MOB3A: variants seen among roughly 807,000 people sequenced by gnomAD.
The protein encoded by MOB3A is MOB LAK.
MOB3A carries 17 observed loss-of-function variants against 17.8 expected under a neutral mutation model. The ratio of observed to expected loss-of-function variants is 0.95; its 90% CI spans 0.65 to 1.43. The LOEUF is 1.43. MOB3A is among the 40% of genes most tolerant of loss of function. The pLI is 0.00. For missense variants in MOB3A, 333 were observed against 310.8 expected (o/e 1.07, Z -0.54); for synonymous variants, 124 against 133.2 (o/e 0.93, Z 0.48).
Position 2,071,722 on chromosome 19 carries a change from G to A in MOB3A, c.*1673C>T, listed in dbSNP as rs1207317680. 6.6e-6 allele frequency: 1 copy of A among 152,462 alleles called. No homozygotes were observed. The highest frequency in any genetic ancestry group is 1.5e-5 in the Non-Finnish European group (1 of 68,220). The allele number at this position is 152,462 out of a possible 1,614,324, so 9.4% of individuals were successfully genotyped here. On this transcript the variant is annotated 3_prime_UTR_variant, in exon 5 of 5. Transcript: ENST00000357066. Reference sequence around the variant, plus strand: ...CCCCAGGGGCCACACAGAAAAAGGGGTTCAACTGGAAGTTTGCAGCATCTG... The same window carrying A: ...CCCCAGGGGCCACACAGAAAAAGGGATTCAACTGGAAGTTTGCAGCATCTG...
intron 2 of MOB3A, chr19:2,084,047 C>T: frequency 2.3e-6 from 1 of 432,170 alleles, no homozygotes; most frequent in Non-Finnish European, 4.7e-6. Context: ...GCTGGGATTA[C>T]AGGCGTGAGC....
rs762380169 is a variant in MOB3A, at chr19:2,073,417, ATTTC to A, written c.628_631del (p.Glu210Ter). ...CTCTCAGTGGCACATCCGGGCGGTC[ATTTC>A]TTTCTGTAAAGAGCAAGCAAGACAT... On this transcript the variant is annotated frameshift_variant, in exon 5 of 5. Coordinates refer to ENST00000357066, the MANE Select transcript of MOB3A (RefSeq NM_130807.3). LOFTEE classifies it high-confidence loss of function. 1 of 1,613,848 alleles carries A rather than the reference ATTTC, an allele frequency of 6.2e-7. No homozygotes were observed. Among genetic ancestry groups the A allele is most frequent in the South Asian group, 1.1e-5 (1 of 91,076 alleles).
At chr19:2,075,027 C>T (rs1046863634) in intron 4 of MOB3A, among the ~76,000 whole-genome samples, 1 of 149,272 alleles carries the variant, frequency 6.7e-6, no homozygotes, top group East Asian at 2.0e-4. Flanking sequence ...TTAATCTTTT[C>T]TTTTCTTTTT....
Position 2,094,342 on chromosome 19 carries a change from G to A in MOB3A, c.-274+1884C>T, listed in dbSNP as rs1240421908. Among the ~76,000 whole-genome samples the A allele has an allele frequency of 3.3e-5, 5 of 152,166 alleles. 1 individual carries two copies. The highest frequency in any genetic ancestry group is 4.1e-4 in the South Asian group (2 of 4,820). Reference sequence around the variant, plus strand: ...GATCACAGGCACGAACGACTGCGCCGGGCCACCCTCTTGCACTTCTGAAAC... The same window carrying A: ...GATCACAGGCACGAACGACTGCGCCAGGCCACCCTCTTGCACTTCTGAAAC... On this transcript the variant is annotated intron_variant, in intron 1 of 4. Coordinates refer to ENST00000357066, the MANE Select transcript of MOB3A (RefSeq NM_130807.3).
chr19:2,083,092 C>A lies in MOB3A; in HGVS notation c.-120+2083G>T, dbSNP rs181289827. Among the ~76,000 whole-genome samples, 58 of 152,350 alleles carry A rather than the reference C, an allele frequency of 3.8e-4. 1 individual carries two copies. The highest frequency in any genetic ancestry group is 3.3e-3 in the Admixed American group (51 of 15,304). ...GAACTCCTGGACTCAAGCGATCCAT[C>A]CGCCTTAGCCTCTCAAGGGGCTGAG... On this transcript the variant is annotated intron_variant, in intron 2 of 4. Transcript: ENST00000357066.
In MOB3A at chr19:2,087,877, G is replaced by C. The variant is rs189496874; in HGVS notation, c.-273-2549C>G. ...TTCCTAACCCAGGGCCGCAGGATCT[G>C]GGCTTGACTGGGCACCACCGACTTG... On this transcript the variant is annotated intron_variant, in intron 1 of 4. Transcript: ENST00000357066. 7.6e-3 allele frequency among the ~76,000 whole-genome samples: 1,155 copies of C among 152,302 alleles called. 12 individuals are homozygous for C. Among genetic ancestry groups the C allele is most frequent in the Non-Finnish European group, 0.012 (834 of 68,022 alleles).
intron 1 of MOB3A, among the ~76,000 whole-genome samples, chr19:2,091,526 G>A (rs2017613807): frequency 6.6e-6 from 1 of 150,732 alleles, no homozygotes; most frequent in African/African-American, 2.4e-5. Flanking sequence ...TGGGATTACA[G>A]GCGCCCGCCA....
intron 3 of MOB3A, 28 bp downstream of exon 3, chr19:2,078,112 C>A: frequency 6.5e-7 from 1 of 1,534,090 alleles, no homozygotes; most frequent in South Asian, 1.3e-5. Flanking sequence ...GGCTCTGTAT[C>A]CCCGAGCCCC....
chr19:2,075,851 G>A (rs2017398284), intron 4 of MOB3A, among the ~76,000 whole-genome samples: 1 of 152,108 alleles, frequency 6.6e-6, no homozygotes, highest in Non-Finnish European at 1.5e-5. Flanking sequence ...AGGCAGGTGC[G>A]GTGGCTCCTG....
chr19:2,094,488 G>A (rs977455487), intron 1 of MOB3A, among the ~76,000 whole-genome samples: 14 of 152,194 alleles, frequency 9.2e-5, no homozygotes, highest in African/African-American at 3.4e-4. Context: ...TTTGTCTCAC[G>A]GGTCAAAACC....
chr19:2,095,781 G>C (rs1322375947), intron 1 of MOB3A, among the ~76,000 whole-genome samples: 3 of 149,660 alleles, frequency 2.0e-5, no homozygotes, highest in Non-Finnish European at 3.0e-5. Flanking sequence ...CCCCGCTCTG[G>C]TTGCCCAGGC....
intron 1 of MOB3A, among the ~76,000 whole-genome samples, chr19:2,092,069 T>C (rs1051052336): frequency 2.7e-5 from 4 of 149,494 alleles, no homozygotes; most frequent in Non-Finnish European, 5.9e-5. Context: ...AACTATTGTG[T>C]CTGGAAGGAA....
rs557526411 is a variant in MOB3A at position 2,076,933 on chromosome 19, T to G, written c.502A>C (p.Ile168Leu). ...TGCGCGATGCGGTCAAAGTGGTGGA[T>G]GTAGACGTGCACGAACACGCGGAAC... Reference protein sequence around the residue: ...RLFRVFVHVYIHHFDRIAQMG... With the variant: ...RLFRVFVHVYLHHFDRIAQMG... The change falls in exon 4 of 5, where the codon ATC becomes CTC. Residue 168 changes from isoleucine (I) to leucine (L), a missense_variant. By Grantham distance (5) the Ile-to-Leu change is conservative (BLOSUM62 2). Coordinates refer to ENST00000357066, the MANE Select transcript of MOB3A (RefSeq NM_130807.3). 1 of 1,614,002 alleles carries G rather than the reference T, an allele frequency of 6.2e-7. No individual in the cohort carries two copies. The highest frequency in any genetic ancestry group is 8.5e-7 in the Non-Finnish European group (1 of 1,180,022).
chr19:2,078,247 T>C lies in MOB3A; in HGVS notation c.314A>G (p.His105Arg), dbSNP rs779749175. The C allele has an allele frequency of 3.1e-6, 5 of 1,614,066 alleles. No homozygotes were observed. Among genetic ancestry groups the C allele is most frequent in the South Asian group, 2.2e-5 (2 of 91,084 alleles). ...GAGTGCCGTGGGCTTCCGGAACTTA[T>C]GCTCATCCTGCCAGCGGTACTCATA... ...PKYEYRWQDE[H>R]KFRKPTALSA... The change falls in exon 3 of 5, where the codon CAT (histidine) becomes CGT (arginine). Residue 105 changes from histidine to arginine, a missense_variant. Coordinates refer to ENST00000357066, the MANE Select transcript of MOB3A (RefSeq NM_130807.3).
chr19:2,081,262 G>C (rs1379575961), intron 2 of MOB3A, among the ~76,000 whole-genome samples: 1 of 152,106 alleles, frequency 6.6e-6, no homozygotes, highest in Non-Finnish European at 1.5e-5. Flanking sequence ...CCTGGGGGTC[G>C]GGGGGAAGAG....
At chr19:2,080,323 G>C (rs1040715253) in intron 2 of MOB3A, among the ~76,000 whole-genome samples, 1 of 152,022 alleles carries the variant, frequency 6.6e-6, no homozygotes, top group Non-Finnish European at 1.5e-5. Flanking sequence ...TGGGCTCCAC[G>C]CAACGCTCAC....
chr19:2,094,643 T>G (rs1036748917), intron 1 of MOB3A, among the ~76,000 whole-genome samples: 4 of 152,194 alleles, frequency 2.6e-5, no homozygotes, highest in South Asian at 4.1e-4. Flanking sequence ...GACTGCGTGA[T>G]GCACAAGAAG....
intron 3 of MOB3A, 61 bp downstream of exon 3, chr19:2,078,079 C>G (rs896654160): frequency 6.8e-7 from 1 of 1,469,060 alleles, no homozygotes; most frequent in Non-Finnish European, 9.1e-7. Flanking sequence ...CCACTGTGCT[C>G]GGCCTCCCTG....
chr19:2,073,996 AC>A (rs951255333), intron 4 of MOB3A, among the ~76,000 whole-genome samples: 1 of 151,458 alleles, frequency 6.6e-6, no homozygotes, highest in African/African-American at 2.4e-5. Flanking sequence ...GCGCCACTGC[AC>A]TCCAGCCTGG....
Sources: gnomAD v4.1 joint callset for allele counts (sites outside exome capture counted in the v4.1 genomes callset) on GRCh38, gnomAD v4.1.1 for gene constraint, MANE v1.5 for transcripts, NCBI Gene and HGNC (gene_info 2026-07-23, HGNC 2026-07-21) for gene names.